Variants in PAK3 observed in about 807,000 individuals in gnomAD.
PAK3 encodes p21 (RAC1) activated kinase 3.
Under a neutral mutation model 41.0 loss-of-function variants are expected in PAK3, and 4 were observed. The ratio of observed to expected loss-of-function variants is 0.10; its 90% CI spans 0.05 to 0.22. The LOEUF is 0.22. Ranked by LOEUF, PAK3 falls within the 10% of genes least tolerant of loss-of-function variation. The probability of loss-of-function intolerance (pLI) is 1.00; values close to 1 mark genes in which losing one functional copy is unlikely to be tolerated. For synonymous variants in PAK3, 146 were observed against 139.6 expected (o/e 1.05, Z -0.32); for missense variants, 205 against 409.9 (o/e 0.50, Z 4.32).
intron 1 of PAK3, among the ~76,000 whole-genome samples, chrX:111,084,056 GT>G: frequency 8.9e-6 from 1 of 112,767 alleles, no homozygotes; most frequent in Non-Finnish European, 1.9e-5. Flanking sequence ...GATTGCAGAT[GT>G]ACTCATCCTG....
At chrX:111,211,644 C>A (rs2094821129) in intron 16 of PAK3, among the ~76,000 whole-genome samples, 1 of 103,578 alleles carries the variant, frequency 9.7e-6, no homozygotes, top group Non-Finnish European at 1.9e-5. Flanking sequence ...CCACTACACT[C>A]CAGTCTGGCA....
intron 10 of PAK3, among the ~76,000 whole-genome samples, chrX:111,170,138 C>A (rs952345772): frequency 9.0e-6 from 1 of 110,750 alleles, no homozygotes; most frequent in Admixed American, 9.7e-5. Context: ...GGAACACATT[C>A]AAAAGATGTC....
At chrX:111,087,634 T>G (rs2092898457) in intron 1 of PAK3, among the ~76,000 whole-genome samples, 1 of 108,850 alleles carries the variant, frequency 9.2e-6, no homozygotes, top group Admixed American at 9.9e-5. Flanking sequence ...AAGAGAAGAT[T>G]AATACAGCTT....
At chrX:111,129,168 T>A (rs2093686535) in intron 5 of PAK3, among the ~76,000 whole-genome samples, 1 of 111,960 alleles carries the variant, frequency 8.9e-6, no homozygotes, top group Non-Finnish European at 1.9e-5. Flanking sequence ...AACTTTCATC[T>A]AATTAATGCA....
intron 1 of PAK3, among the ~76,000 whole-genome samples, chrX:110,991,921 G>A (rs2091656248): frequency 9.0e-6 from 1 of 111,244 alleles, no homozygotes; most frequent in East Asian, 2.8e-4. Flanking sequence ...CTGTATTTAA[G>A]GAATTTATAG....
At chrX:111,074,926 G>C (rs1318976324) in intron 1 of PAK3, among the ~76,000 whole-genome samples, 2 of 111,609 alleles carry the variant, frequency 1.8e-5, no homozygotes, top group African/African-American at 3.3e-5. Context: ...TGCCCTAGGG[G>C]TCTGTGTGTG....
chrX:111,131,924 G>A, intron 5 of PAK3, among the ~76,000 whole-genome samples: 1 of 111,748 alleles, frequency 8.9e-6, no homozygotes, highest in African/African-American at 3.3e-5. Context: ...TCCCTAAGGA[G>A]GGTTATGGCA....
rs190591051 is a variant in PAK3 at position 111,183,858 on chromosome X, T to C, written c.831-8269T>C. ...AGGGAGAGACTGTTGACAAAGCATC[T>C]AATGTGATGCCAAGAACCCAGATGT... On this transcript the variant is annotated intron_variant, in intron 11 of 17. Transcript: ENST00000372007. 1.1e-3 allele frequency among the ~76,000 whole-genome samples: 126 copies of C among 111,907 alleles called. 1 individual carries two copies. Among genetic ancestry groups the C allele is most frequent in the African/African-American group, 3.9e-3 (120 of 30,898 alleles).
At chrX:111,107,492 C>T (rs1473604654) in intron 4 of PAK3, among the ~76,000 whole-genome samples, 1 of 112,100 alleles carries the variant, frequency 8.9e-6, no homozygotes, top group Non-Finnish European at 1.9e-5. Context: ...TAAAAAGAAG[C>T]ACAAACCCAG....
chrX:111,134,798 G>A (rs867542429), intron 5 of PAK3, among the ~76,000 whole-genome samples: 1 of 111,146 alleles, frequency 9.0e-6, no homozygotes, highest in Non-Finnish European at 1.9e-5. Context: ...GGCATGCCAG[G>A]TAGAAAGACC....
At chrX:110,971,274 TA>T (rs1256293646) in intron 1 of PAK3, among the ~76,000 whole-genome samples, 1 of 112,189 alleles carries the variant, frequency 8.9e-6, no homozygotes, top group African/African-American at 3.2e-5. Flanking sequence ...AAACAACCAC[TA>T]GTCTCCAGTT....
At chrX:111,143,708 A>G (rs1256967066) in intron 6 of PAK3, among the ~76,000 whole-genome samples, 1 of 111,469 alleles carries the variant, frequency 9.0e-6, no homozygotes, top group African/African-American at 3.3e-5. Context: ...TTACAAAAAG[A>G]TTGTAACTAT....
chrX:111,209,572 T>C (rs910086043), intron 16 of PAK3, among the ~76,000 whole-genome samples: 3 of 111,958 alleles, frequency 2.7e-5, no homozygotes, highest in Non-Finnish European at 3.8e-5. Context: ...ATTTCCATGG[T>C]AAAATGTGTT....
chrX:111,199,966 G>T (rs1311358339), intron 16 of PAK3, among the ~76,000 whole-genome samples: 1 of 111,605 alleles, frequency 9.0e-6, no homozygotes, highest in Non-Finnish European at 1.9e-5. Flanking sequence ...ATTAATAGAA[G>T]CTGTGTTTTG....
intron 1 of PAK3, among the ~76,000 whole-genome samples, chrX:111,062,002 G>C (rs531829101): frequency 5.5e-4 from 61 of 110,447 alleles, no homozygotes; most frequent in African/African-American, 1.6e-3. Flanking sequence ...TTTTTTTGTA[G>C]AGACAGGGTC....
intron 1 of PAK3, among the ~76,000 whole-genome samples, chrX:110,963,770 C>T (rs898378088): frequency 8.9e-6 from 1 of 112,419 alleles, no homozygotes; most frequent in African/African-American, 3.2e-5. Context: ...GATGTTGAAC[C>T]AAGTGATCTC....
intron 1 of PAK3, among the ~76,000 whole-genome samples, chrX:110,990,712 G>A (rs1029969785): frequency 2.7e-5 from 3 of 110,766 alleles, no homozygotes; most frequent in Non-Finnish European, 5.7e-5. Flanking sequence ...AAATCACAAC[G>A]TATGCTGGAG....
intron 16 of PAK3, among the ~76,000 whole-genome samples, chrX:111,199,577 T>C (rs897414420): frequency 8.9e-6 from 1 of 111,906 alleles, no homozygotes; most frequent in Admixed American, 9.5e-5. Context: ...GCTGTAATTT[T>C]TAAATTGGAT....
intron 1 of PAK3, among the ~76,000 whole-genome samples, chrX:111,072,338 AG>A (rs2092751772): frequency 8.8e-6 from 1 of 113,069 alleles, no homozygotes; most frequent in African/African-American, 3.2e-5. Context: ...TCAGTGGGAC[AG>A]AACCCGGTAA....
Sources: allele counts gnomAD v4.1 joint callset (sites outside exome capture counted in the v4.1 genomes callset), GRCh38; gene constraint gnomAD v4.1.1; transcripts MANE v1.5; gene names NCBI Gene and HGNC (gene_info 2026-07-23, HGNC 2026-07-21).